PAK1: variants seen among roughly 807,000 people sequenced by gnomAD.
PAK1 encodes serine/threonine-protein kinase PAK 1.
PAK1 carries 29 observed loss-of-function variants against 67.4 expected under a neutral mutation model. That is an observed-to-expected ratio of 0.43 (90% CI 0.32 to 0.59). The LOEUF is 0.59. PAK1 is among the 20% of genes least tolerant of loss of function. The probability of loss-of-function intolerance (pLI) is 0.07; values close to 1 mark genes in which losing one functional copy is unlikely to be tolerated. For missense variants in PAK1, 337 were observed against 670.7 expected, an observed-to-expected ratio of 0.50 and a Z score of 5.50; for synonymous variants, 223 against 237.4, an observed-to-expected ratio of 0.94 and a Z score of 0.56.
the PAK1 span, among the ~76,000 whole-genome samples, chr11:77,493,445 ATTTTTTT>A: frequency 9.9e-5 from 7 of 70,964 alleles, no homozygotes; most frequent in Admixed American, 1.6e-4. Flanking sequence ...TGCCCAGCTA[ATTTTTTT>A]TTTTTTTTTT....
At chr11:77,328,075 C>G (rs370346930) in intron 14 of PAK1, among the ~76,000 whole-genome samples, 26 of 151,880 alleles carry the variant, frequency 1.7e-4, no homozygotes, top group African/African-American at 5.8e-4. Flanking sequence ...AATTCAACAA[C>G]AAGAGCTAAC....
chr11:77,388,167 A>G (rs1253595427), intron 2 of PAK1, among the ~76,000 whole-genome samples: 1 of 152,188 alleles, frequency 6.6e-6, no homozygotes, highest in Non-Finnish European at 1.5e-5. Flanking sequence ...TTTGATCTTG[A>G]GGCTATGAGA....
At chr11:77,426,080 T>C (rs1955531583) in intron 1 of PAK1, among the ~76,000 whole-genome samples, 1 of 59,444 alleles carries the variant, frequency 1.7e-5, no homozygotes, top group Non-Finnish European at 3.4e-5. Context: ...GAAGGCCTCT[T>C]TTTTTTTTTT....
intron 1 of PAK1, among the ~76,000 whole-genome samples, 157 bp from the exon 2 acceptor site, chr11:77,392,698 T>C (rs760394745): frequency 6.6e-6 from 1 of 152,238 alleles, no homozygotes; most frequent in Non-Finnish European, 1.5e-5. Flanking sequence ...TAACACTCAC[T>C]GATGTAAATG....
At chr11:77,411,327 A>C (rs1274006589) in intron 1 of PAK1, among the ~76,000 whole-genome samples, 1 of 151,994 alleles carries the variant, frequency 6.6e-6, no homozygotes, top group East Asian at 1.9e-4. Flanking sequence ...ATGGCAACTC[A>C]AGCCACAGAG....
the PAK1 span, among the ~76,000 whole-genome samples, chr11:77,519,542 G>C: frequency 6.6e-6 from 1 of 152,174 alleles, no homozygotes; most frequent in African/African-American, 2.4e-5. Flanking sequence ...GGTTCCAGGG[G>C]TGTCAGCCGG....
chr11:77,460,323 CTTT>C (rs71043580), intron 1 of PAK1, among the ~76,000 whole-genome samples: 20 of 131,476 alleles, frequency 1.5e-4, no homozygotes, highest in Non-Finnish European at 2.2e-4. Context: ...TTTTTGTTTG[CTTT>C]TTTTTTTTTT....
At chr11:77,374,584 T>C (rs1186478843) in intron 4 of PAK1, among the ~76,000 whole-genome samples, 4 of 152,206 alleles carry the variant, frequency 2.6e-5, no homozygotes, top group Non-Finnish European at 2.9e-5. Flanking sequence ...TCTACTTTTA[T>C]TGATTTGGAA....
chr11:77,358,023 T>A (rs975729626), intron 6 of PAK1, among the ~76,000 whole-genome samples: 1 of 152,186 alleles, frequency 6.6e-6, no homozygotes, highest in Admixed American at 6.5e-5. Context: ...TTCCACAGAT[T>A]CTGTTTGTAA....
chr11:77,480,062 T>C, the PAK1 span, among the ~76,000 whole-genome samples: 1 of 152,220 alleles, frequency 6.6e-6, no homozygotes, highest in Non-Finnish European at 1.5e-5. Context: ...TCCTTAATGG[T>C]TCAGTGTGTT....
At chr11:77,445,668 C>T (rs189829003) in intron 1 of PAK1, among the ~76,000 whole-genome samples, 4 of 152,322 alleles carry the variant, frequency 2.6e-5, no homozygotes, top group African/African-American at 9.6e-5. Flanking sequence ...TTCTGTTTCA[C>T]ACCGGAGTGA....
chr11:77,500,807 G>A, the PAK1 span, among the ~76,000 whole-genome samples: 1 of 152,112 alleles, frequency 6.6e-6, no homozygotes, highest in Non-Finnish European at 1.5e-5. Context: ...TCACACCACT[G>A]CACTCCAGTC....
intron 10 of PAK1, among the ~76,000 whole-genome samples, chr11:77,342,713 G>A (rs1943798943): frequency 6.6e-6 from 1 of 152,144 alleles, no homozygotes; most frequent in Non-Finnish European, 1.5e-5. Context: ...TAAGGAAACT[G>A]AAGCTTACTA....
At chr11:77,459,460 T>C (rs949995213) in intron 1 of PAK1, among the ~76,000 whole-genome samples, 3 of 152,204 alleles carry the variant, frequency 2.0e-5, no homozygotes, top group Non-Finnish European at 4.4e-5. Flanking sequence ...ATTGGACTGA[T>C]AGCAAGAGCT....
intron 7 of PAK1, among the ~76,000 whole-genome samples, chr11:77,354,818 T>C (rs925223361): frequency 6.6e-6 from 1 of 152,192 alleles, no homozygotes; most frequent in Non-Finnish European, 1.5e-5. Context: ...TGGAAGTAAG[T>C]AGATACAGTG....
At chr11:77,324,297 C>T (rs868062701) in intron 14 of PAK1, among the ~76,000 whole-genome samples, 4 of 151,558 alleles carry the variant, frequency 2.6e-5, no homozygotes, top group East Asian at 1.9e-4. Context: ...CTCAACCTCC[C>T]GAATAGCTGG....
intron 2 of PAK1, among the ~76,000 whole-genome samples, chr11:77,390,663 C>CT (rs56816970): frequency 0.3 from 39,215 of 132,754 alleles, 6,108 homozygotes; most frequent in South Asian, 0.43. Flanking sequence ...TGCCCGACTC[C>CT]TTTTTTTTTT....
rs140906225 is a variant in PAK1 at position 77,337,527 on chromosome 11, G to A, written c.1117-104C>T. 2.9e-3 allele frequency: 1,574 copies of A among 544,374 alleles called. 28 individuals are homozygous for A. The highest frequency in any genetic ancestry group is 0.028 in the African/African-American group (1,461 of 52,110). The allele number at this position is 544,374 out of a possible 1,614,324, so 33.7% of individuals were successfully genotyped here. A position where few individuals can be genotyped will look rare whatever the true frequency, so the allele number is the denominator to read the frequency against. On this transcript the variant is annotated intron_variant, in intron 11 of 14. Coordinates refer to ENST00000356341, the MANE Select transcript of PAK1 (RefSeq NM_002576.5). The stretch of plus-strand genomic sequence containing the variant: ...TCAACCTCTTCACTTTAAAATAAAG[G>A]AAGTAAGGCCCCAGTGAGTAAAAGG...
At chr11:77,331,624 C>T (rs923640381) in intron 14 of PAK1, among the ~76,000 whole-genome samples, 5 of 151,906 alleles carry the variant, frequency 3.3e-5, no homozygotes, top group East Asian at 1.9e-4. Context: ...ATCACACACC[C>T]GGGACTGTTG....
Sources: allele counts gnomAD v4.1 joint callset (sites outside exome capture counted in the v4.1 genomes callset), GRCh38; gene constraint gnomAD v4.1.1; transcripts MANE v1.5; gene names NCBI Gene and HGNC (gene_info 2026-07-23, HGNC 2026-07-21).